The following AKR1E2 variants were observed in gnomAD, a reference collection of about 807,000 sequenced individuals.
AKR1E2 encodes aldo-keto reductase family 1 member E2.
A neutral mutation model predicts 41.9 loss-of-function variants in AKR1E2; 43 were observed. The ratio of observed to expected loss-of-function variants is 1.03; its 90% CI spans 0.80 to 1.32. The LOEUF is 1.32. Among genes scored for constraint, AKR1E2 ranks in the 40% most tolerant of loss-of-function variants. AKR1E2 has a pLI of 0.00. For missense variants in AKR1E2, 423 were observed against 396.5 expected (o/e 1.07, Z -0.57); for synonymous variants, 121 against 138.9 (o/e 0.87, Z 0.91).
At chr10:4,854,685 C>T in the AKR1E2 span, among the ~76,000 whole-genome samples, 18 of 152,172 alleles carry the variant, frequency 1.2e-4, no homozygotes, top group African/African-American at 2.7e-4. Context: ...CAGTGATCAG[C>T]GGACTTTGGG....
the AKR1E2 span, among the ~76,000 whole-genome samples, chr10:4,863,805 A>C: frequency 6.6e-6 from 1 of 152,206 alleles, no homozygotes; most frequent in Non-Finnish European, 1.5e-5. Context: ...CAGAAATACA[A>C]ACTACCATCA....
chr10:4,860,788 CT>C, the AKR1E2 span, among the ~76,000 whole-genome samples: 1 of 152,062 alleles, frequency 6.6e-6, no homozygotes, highest in South Asian at 2.1e-4. Context: ...GCTTTATTGG[CT>C]TTTTTTGTTG....
At chr10:4,863,528 C>T in the AKR1E2 span, among the ~76,000 whole-genome samples, 6 of 151,926 alleles carry the variant, frequency 3.9e-5, no homozygotes, top group Non-Finnish European at 8.8e-5. Flanking sequence ...AAAATTGACA[C>T]CCTAACATCA....
At chr10:4,866,633 G>GTTTTTT in the AKR1E2 span, among the ~76,000 whole-genome samples, 1 of 131,976 alleles carries the variant, frequency 7.6e-6, no homozygotes, top group South Asian at 2.3e-4. Context: ...GCAGAGTTTT[G>GTTTTTT]TTTTTGTTTT....
At chr10:4,839,947 G>T in intron 6 of AKR1E2, 121 bp downstream of exon 6, 1 of 871,774 alleles carries the variant, frequency 1.1e-6, no homozygotes. Context: ...GTGGAGGGAT[G>T]GTACTATAGG....
intron 8 of AKR1E2, chr10:4,845,683 G>A (rs1000575564): frequency 1.1e-4 from 53 of 469,220 alleles, no homozygotes; most frequent in East Asian, 2.1e-4. Flanking sequence ...TTCTGCCGTC[G>A]TGGCTCTCAA....
chr10:4,841,660 T>C (rs912239065), intron 6 of AKR1E2, 125 bp from the exon 7 acceptor site: 6 of 662,084 alleles, frequency 9.1e-6, no homozygotes, highest in Non-Finnish European at 1.4e-5. Flanking sequence ...TAAAATTTCC[T>C]GTAGTCGGCA....
At chr10:4,852,291 C>G (rs1405298934), downstream of AKR1E2, among the ~76,000 whole-genome samples, 3 of 152,158 alleles carry the variant, frequency 2.0e-5, no homozygotes, top group East Asian at 1.9e-4. Context: ...CTAGAAAAAT[C>G]AGCATCTCTA....
intron 2 of AKR1E2, 86 bp from the exon 3 acceptor site, chr10:4,833,264 A>C (rs1232832422): frequency 9.1e-7 from 1 of 1,098,774 alleles, no homozygotes; most frequent in African/African-American, 1.5e-5. Flanking sequence ...TTTTGGGTTC[A>C]AGACAGTAGC....
At position 4,847,212 on chromosome 10, in the gene AKR1E2, G is replaced by C. The variant is rs761904189; in HGVS notation, c.902G>C (p.Arg301Pro). 6.2e-7 allele frequency: 1 copy of C among 1,614,082 alleles called. No individual in the cohort carries two copies. The change falls in exon 9 of 10, where the codon CGA (arginine) becomes CCA (proline). Residue 301 changes from arginine to proline, a missense_variant. Transcript: ENST00000298375. ...ATCCTCAGCCTAAACAGGAATCTCCGACTGGCCATGTTCCCCATGTAAATA... is the reference window on the plus strand; with the variant it reads ...ATCCTCAGCCTAAACAGGAATCTCCCACTGGCCATGTTCCCCATGTAAATA... ...DNILSLNRNL[R>P]LAMFPITKNH...
intron 8 of AKR1E2, among the ~76,000 whole-genome samples, chr10:4,843,213 C>T (rs1834027985): frequency 6.6e-6 from 1 of 152,200 alleles, no homozygotes; most frequent in South Asian, 2.1e-4. Flanking sequence ...TTCCCACAGT[C>T]TCACTCACGA....
chr10:4,864,159 A>C, the AKR1E2 span, among the ~76,000 whole-genome samples: 4 of 152,168 alleles, frequency 2.6e-5, no homozygotes, highest in African/African-American at 4.8e-5. Context: ...ACACAACAAA[A>C]AAAGAGAATT....
Position 4,826,290 on chromosome 10 carries a change from G to A in AKR1E2, c.-35G>A. 8.2e-7 allele frequency: 1 copy of A among 1,222,986 alleles called. No individual in the cohort carries two copies. Among genetic ancestry groups the A allele is most frequent in the Non-Finnish European group, 1.0e-6 (1 of 981,376 alleles). The allele number at this position is 1,222,986 out of a possible 1,614,324, so 75.8% of individuals were successfully genotyped here. On this transcript the variant is annotated 5_prime_UTR_variant, in exon 1 of 10. Coordinates refer to ENST00000298375, the MANE Select transcript of AKR1E2 (RefSeq NM_001040177.3). ...GCGGTGCCTGTCGGTAGTCGCGTGC[G>A]GGGCGGCGGGGCGGCGGGGCGGCCG...
intron 2 of AKR1E2, among the ~76,000 whole-genome samples, chr10:4,832,872 G>C (rs920570718): frequency 5.3e-5 from 8 of 152,194 alleles, no homozygotes; most frequent in African/African-American, 1.9e-4. Context: ...GAGTGTGGAA[G>C]GAGATAGCTA....
At chr10:4,856,846 T>C in the AKR1E2 span, among the ~76,000 whole-genome samples, 141 of 152,326 alleles carry the variant, frequency 9.3e-4, no homozygotes, top group African/African-American at 3.1e-3. Flanking sequence ...GTTTTGGTCC[T>C]CTTTAGAAGA....
the AKR1E2 span, among the ~76,000 whole-genome samples, chr10:4,869,779 G>A: frequency 1.3e-5 from 2 of 152,094 alleles, no homozygotes; most frequent in Middle Eastern, 3.4e-3. Context: ...ATTTAGGAGT[G>A]TGTTGTTTAA....
chr10:4,842,627 C>A, intron 8 of AKR1E2, 123 bp downstream of exon 8: 1 of 806,430 alleles, frequency 1.2e-6, no homozygotes, highest in Middle Eastern at 2.3e-4. Context: ...TCTCCCTCTG[C>A]ACTGTGGGTG....
At chr10:4,871,151 T>C in the AKR1E2 span, among the ~76,000 whole-genome samples, 11 of 152,274 alleles carry the variant, frequency 7.2e-5, no homozygotes, top group South Asian at 2.1e-3. Flanking sequence ...TATTCATTTA[T>C]CTTCTATTTC....
At chr10:4,856,059 A>G in the AKR1E2 span, among the ~76,000 whole-genome samples, 23 of 152,366 alleles carry the variant, frequency 1.5e-4, no homozygotes, top group East Asian at 4.4e-3. Context: ...TTTCACCAAA[A>G]GTAAAAGTCG....
Sources: allele counts gnomAD v4.1 joint callset (sites outside exome capture counted in the v4.1 genomes callset), GRCh38; gene constraint gnomAD v4.1.1; transcripts MANE v1.5; gene names NCBI Gene and HGNC (gene_info 2026-07-23, HGNC 2026-07-21).